TMSB15B: variants seen among roughly 807,000 people sequenced by gnomAD.
TMSB15B encodes thymosin beta 15B.
At chrX:103,932,154 TAATC>T (rs2074986448) in intron 1 of TMSB15B, 1 of 112,059 alleles carries the variant, frequency 8.9e-6, no homozygotes, top group African/African-American at 3.2e-5. Context: ...TCTGACAAAT[TAATC>T]AAACCCAAAG....
At chrX:103,924,214 G>C (rs1371959748) in intron 1 of TMSB15B, among the ~76,000 whole-genome samples, 4 of 111,128 alleles carry the variant, frequency 3.6e-5, no homozygotes, top group African/African-American at 6.6e-5. Flanking sequence ...AGACAAATGT[G>C]GTCCTCATTC....
chrX:103,921,241 A>G (rs782546869), intron 1 of TMSB15B, among the ~76,000 whole-genome samples: 2 of 112,012 alleles, frequency 1.8e-5, no homozygotes, highest in South Asian at 7.5e-4. Flanking sequence ...GTGTGGATGT[A>G]TGGAGAAGGC....
At chrX:103,924,589 A>G (rs7050563) in intron 1 of TMSB15B, among the ~76,000 whole-genome samples, 41,517 of 110,584 alleles carry the variant, frequency 0.38, 5,648 homozygotes, top group Admixed American at 0.53. Context: ...GCAGGCACCA[A>G]ATTCTATTCA....
intron 1 of TMSB15B, chrX:103,919,432 TA>T (rs1428351276): frequency 8.9e-6 from 1 of 112,215 alleles, no homozygotes; most frequent in African/African-American, 3.2e-5. Flanking sequence ...TACCTTTGTA[TA>T]GGGGGAAGGG....
chrX:103,947,261 C>T (rs1369883431), intron 1 of TMSB15B, among the ~76,000 whole-genome samples: 1 of 111,452 alleles, frequency 9.0e-6, no homozygotes, highest in Non-Finnish European at 1.9e-5. Context: ...CAAAAGAATC[C>T]AGACACAGAG....
chrX:103,929,806 A>G (rs1356449839), intron 1 of TMSB15B, among the ~76,000 whole-genome samples: 2 of 111,694 alleles, frequency 1.8e-5, no homozygotes, highest in Non-Finnish European at 3.8e-5. Context: ...GAAACCTGGA[A>G]GTGAAGTGAC....
chrX:103,937,551 TCTCTC>T (rs2075001386), intron 1 of TMSB15B, among the ~76,000 whole-genome samples: 1 of 112,048 alleles, frequency 8.9e-6, no homozygotes. Context: ...ATTTGATTCT[TCTCTC>T]TTCTCTTCTT....
chrX:103,936,445 C>G (rs1167648156), intron 1 of TMSB15B, among the ~76,000 whole-genome samples: 4 of 111,590 alleles, frequency 3.6e-5, no homozygotes, highest in Non-Finnish European at 7.5e-5. Flanking sequence ...TGATTTGGCT[C>G]TCTGTCTATT....
intron 1 of TMSB15B, among the ~76,000 whole-genome samples, chrX:103,946,759 A>G (rs782390850): frequency 2.6e-4 from 29 of 112,191 alleles, no homozygotes; most frequent in Admixed American, 1.4e-3. Context: ...ATCCAGATAT[A>G]TAAAAGACCA....
intron 1 of TMSB15B, among the ~76,000 whole-genome samples, chrX:103,955,431 T>C (rs1313021657): frequency 1.8e-5 from 2 of 109,664 alleles, no homozygotes; most frequent in Non-Finnish European, 3.8e-5. Context: ...AAATAGCCAG[T>C]ATAGAGAAGA....
intron 1 of TMSB15B, among the ~76,000 whole-genome samples, chrX:103,929,616 G>A (rs782235663): frequency 3.6e-5 from 4 of 111,885 alleles, no homozygotes; most frequent in African/African-American, 1.3e-4. Context: ...GAACTAGTGG[G>A]GCTGGAGATG....
intron 1 of TMSB15B, among the ~76,000 whole-genome samples, chrX:103,945,899 T>A (rs782048421): frequency 1.8e-5 from 2 of 112,151 alleles, no homozygotes; most frequent in Admixed American, 1.9e-4. Flanking sequence ...GCTAGGAAGA[T>A]AGCTAACAGA....
rs782650398 is a variant in TMSB15B at position 103,934,640 on chromosome X, T to C, written c.-721+15348T>C. Among the ~76,000 whole-genome samples, 302 of 111,672 alleles carry C rather than the reference T, an allele frequency of 2.7e-3. 1 individual carries two copies. Among genetic ancestry groups the C allele is most frequent in the African/African-American group, 9.0e-3 (276 of 30,723 alleles). On this transcript the variant is annotated intron_variant, in intron 1 of 3. Coordinates refer to the TMSB15B transcript ENST00000419165. ...TTTGCTGAGAATGATGGTTTCCAGC[T>C]TCATCCATGTCCCTGCAAAAGACAT...
intron 1 of TMSB15B, among the ~76,000 whole-genome samples, chrX:103,940,056 T>A (rs1186801870): frequency 8.9e-6 from 1 of 111,899 alleles, no homozygotes; most frequent in Non-Finnish European, 1.9e-5. Context: ...ACCAGCCAGA[T>A]GCCAGCTGGA....
chrX:103,935,843 GTT>G (rs1165751386), intron 1 of TMSB15B, among the ~76,000 whole-genome samples: 13 of 80,171 alleles, frequency 1.6e-4, no homozygotes, highest in Admixed American at 9.5e-4. Flanking sequence ...CATAGGAGTT[GTT>G]TTTTTTTTTT....
intron 1 of TMSB15B, among the ~76,000 whole-genome samples, chrX:103,930,766 T>G (rs1556319834): frequency 9.7e-6 from 1 of 102,972 alleles, no homozygotes; most frequent in East Asian, 3.0e-4. Flanking sequence ...ATAATAATAA[T>G]AAATTACTTT....
At chrX:103,925,485 G>A (rs1602433944) in intron 1 of TMSB15B, among the ~76,000 whole-genome samples, 2 of 112,544 alleles carry the variant, frequency 1.8e-5, no homozygotes, top group African/African-American at 6.5e-5. Context: ...GGATTGAAAA[G>A]TACAATTTCT....
intron 1 of TMSB15B, among the ~76,000 whole-genome samples, chrX:103,935,584 T>A (rs2074995412): frequency 9.0e-6 from 1 of 111,489 alleles, no homozygotes; most frequent in South Asian, 3.8e-4. Context: ...CCCAACACCA[T>A]TTATTAAATA....
the TMSB15B span, among the ~76,000 whole-genome samples, chrX:103,974,385 ATATG>A: frequency 6.6e-5 from 1 of 15,139 alleles, no homozygotes; most frequent in African/African-American, 9.1e-5. Flanking sequence ...ACATATATAT[ATATG>A]TATATATATA....
Sources: allele counts gnomAD v4.1 joint callset (sites outside exome capture counted in the v4.1 genomes callset), GRCh38; gene constraint gnomAD v4.1.1; transcripts MANE v1.5; gene names NCBI Gene and HGNC (gene_info 2026-07-23, HGNC 2026-07-21).